The following AUTS2 variants were observed in gnomAD, a reference collection of about 807,000 sequenced individuals.
The protein encoded by AUTS2 is autism susceptibility gene 2 protein.
A neutral mutation model predicts 112.4 loss-of-function variants in AUTS2; 17 were observed. The ratio of observed to expected loss-of-function variants is 0.15; its 90% CI spans 0.10 to 0.23. The LOEUF is 0.23. AUTS2 is among the 10% of genes least tolerant of loss of function. The pLI is 1.00. For synonymous variants in AUTS2, 751 were observed against 702.7 expected (o/e 1.07, Z -1.09); for missense variants, 1,510 against 1,701.6 (o/e 0.89, Z 1.98).
intron 6 of AUTS2, among the ~76,000 whole-genome samples, chr7:70,759,101 C>G (rs1294630161): frequency 6.6e-6 from 1 of 152,230 alleles, no homozygotes; most frequent in Admixed American, 6.5e-5. Flanking sequence ...TAACCCTCTA[C>G]ACTTTAAGTC....
At chr7:69,838,982 T>G (rs980864222) in intron 1 of AUTS2, among the ~76,000 whole-genome samples, 4 of 152,120 alleles carry the variant, frequency 2.6e-5, no homozygotes, top group Non-Finnish European at 5.9e-5. Flanking sequence ...CAACAGATAT[T>G]TTTGGTCAGA....
intron 4 of AUTS2, among the ~76,000 whole-genome samples, chr7:70,165,766 A>G (rs933900847): frequency 1.3e-5 from 2 of 152,224 alleles, no homozygotes; most frequent in African/African-American, 4.8e-5. Context: ...AAATATGAAT[A>G]AACAGACAAG....
intron 4 of AUTS2, among the ~76,000 whole-genome samples, chr7:70,383,153 T>C (rs1793449009): frequency 6.6e-6 from 1 of 152,148 alleles, no homozygotes; most frequent in Admixed American, 6.5e-5. Flanking sequence ...CTTTTTGTTG[T>C]TGATTTTTTT....
At chr7:69,911,962 A>G (rs1005157758) in intron 2 of AUTS2, among the ~76,000 whole-genome samples, 1 of 152,092 alleles carries the variant, frequency 6.6e-6, no homozygotes, top group African/African-American at 2.4e-5. Context: ...GCCTCCCACC[A>G]TCAATGTGCC....
chr7:69,751,683 G>C (rs2058395), intron 1 of AUTS2, among the ~76,000 whole-genome samples: 1 of 151,984 alleles, frequency 6.6e-6, no homozygotes, highest in Non-Finnish European at 1.5e-5. Flanking sequence ...TTACTTGTTC[G>C]ATTTATTGCA....
intron 2 of AUTS2, among the ~76,000 whole-genome samples, chr7:69,959,707 C>T (rs543056931): frequency 2.0e-5 from 3 of 152,258 alleles, no homozygotes; most frequent in South Asian, 4.1e-4. Flanking sequence ...TGAACTATTT[C>T]TCTCTCTTAA....
At chr7:70,776,972 G>C in intron 13 of AUTS2, 131 bp from the exon 14 acceptor site, 1 of 788,772 alleles carries the variant, frequency 1.3e-6, no homozygotes, top group South Asian at 1.5e-5. Flanking sequence ...AAGGCACTTG[G>C]AGAGTACAAA....
intron 3 of AUTS2, among the ~76,000 whole-genome samples, chr7:70,126,926 A>G (rs1806004271): frequency 6.6e-6 from 1 of 152,088 alleles, no homozygotes. Flanking sequence ...TCCTGGGTTC[A>G]AGCAATTCTC....
At chr7:70,661,201 C>T (rs1807051781) in intron 5 of AUTS2, among the ~76,000 whole-genome samples, 1 of 151,838 alleles carries the variant, frequency 6.6e-6, no homozygotes, top group Non-Finnish European at 1.5e-5. Context: ...AAATTCCAGG[C>T]AGAACATAGG....
intron 5 of AUTS2, among the ~76,000 whole-genome samples, chr7:70,585,635 C>T (rs38324): frequency 0.13 from 20,158 of 152,122 alleles, 1,660 homozygotes; most frequent in Non-Finnish European, 0.18. Context: ...CAATTTATGC[C>T]TGCTGTACTT....
chr7:70,771,448 G>A lies in AUTS2; in HGVS notation c.1735-101G>A, dbSNP rs76634756. The A allele has an allele frequency of 4.6e-3, 4,119 of 894,398 alleles. 14 individuals carry two copies. The highest frequency in any genetic ancestry group is 6.2e-3 in the Non-Finnish European group (3,635 of 582,300). The allele number at this position is 894,398 out of a possible 1,614,324, so 55.4% of individuals were successfully genotyped here. ...ACTAATGGCATCAAACTGAGATTAC[G>A]TGGCTTGCTCATGTCGATGTCTTTC... On this transcript the variant is annotated intron_variant, in intron 10 of 18. Coordinates refer to ENST00000342771, the MANE Select transcript of AUTS2 (RefSeq NM_015570.4).
At chr7:69,896,168 T>A in intron 1 of AUTS2, among the ~76,000 whole-genome samples, 1 of 150,518 alleles carries the variant, frequency 6.6e-6, no homozygotes, top group East Asian at 1.9e-4. Context: ...ATGCCTGGCA[T>A]AGCTGACTGA....
At position 70,578,903 on chromosome 7, in the gene AUTS2, CCTTT is replaced by C. The variant is rs201892880; in HGVS notation, c.691-119657_691-119654del. Among the ~76,000 whole-genome samples, 1,364 of 148,546 alleles carry C rather than the reference CCTTT, an allele frequency of 9.2e-3. 9 individuals are homozygous for C. Among genetic ancestry groups the C allele is most frequent in the Admixed American group, 0.01 (155 of 14,774 alleles). ...TATATTATCTTTTCTTTTCTTCTTT[CCTTT>C]CTTTCTTTTTTTTTCTTTCTTTTTT... On this transcript the variant is annotated intron_variant, in intron 5 of 18. Transcript: ENST00000342771.
intron 6 of AUTS2, among the ~76,000 whole-genome samples, chr7:70,717,595 C>G (rs1030436876): frequency 6.6e-6 from 1 of 152,110 alleles, no homozygotes; most frequent in Non-Finnish European, 1.5e-5. Context: ...CTTTAAAAAG[C>G]GTGATAGATA....
intron 4 of AUTS2, among the ~76,000 whole-genome samples, chr7:70,263,494 G>T (rs190029949): frequency 6.6e-6 from 1 of 152,230 alleles, no homozygotes; most frequent in Non-Finnish European, 1.5e-5. Flanking sequence ...TATAATCTCA[G>T]ATATTATTCA....
rs558026904 is a variant in AUTS2, at chr7:70,254,930, C to G, written c.660+120359C>G. ...TATTTCAGTTGAAAAGGTCTTGACC[C>G]TTTCCCTTCTAACATAACAATCCTC... On this transcript the variant is annotated intron_variant, in intron 4 of 18. Transcript: ENST00000342771. 2.0e-4 allele frequency among the ~76,000 whole-genome samples: 30 copies of G among 152,164 alleles called. No homozygotes were observed. In the South Asian group the frequency reaches 5.8e-3, roughly 30 times the overall value.
intron 4 of AUTS2, among the ~76,000 whole-genome samples, chr7:70,282,283 G>A (rs565478597): frequency 6.6e-6 from 1 of 152,210 alleles, no homozygotes; most frequent in South Asian, 2.1e-4. Context: ...TTAGTTATTT[G>A]TTACAGCAGT....
chr7:70,397,856 G>A (rs560615944), intron 4 of AUTS2, among the ~76,000 whole-genome samples: 1 of 152,186 alleles, frequency 6.6e-6, no homozygotes, highest in South Asian at 2.1e-4. Context: ...TTTCTCCTAT[G>A]TTTTCTTATA....
intron 2 of AUTS2, among the ~76,000 whole-genome samples, chr7:70,111,545 C>G (rs1227542804): frequency 6.6e-6 from 1 of 152,142 alleles, no homozygotes; most frequent in Non-Finnish European, 1.5e-5. Flanking sequence ...TGACCATTTG[C>G]AAATTGGTAG....
Sources: gnomAD v4.1 joint callset for allele counts (sites outside exome capture counted in the v4.1 genomes callset) on GRCh38, gnomAD v4.1.1 for gene constraint, MANE v1.5 for transcripts, NCBI Gene and HGNC (gene_info 2026-07-23, HGNC 2026-07-21) for gene names.